Variants in NCOA1 observed in about 807,000 individuals in gnomAD.
NCOA1 encodes the protein Hin-2 protein.
Under a neutral mutation model 150.9 loss-of-function variants are expected in NCOA1, and 35 were observed. The ratio of observed to expected loss-of-function variants is 0.23; its 90% CI spans 0.18 to 0.31. The LOEUF is 0.31. Ranked by LOEUF, NCOA1 falls within the 10% of genes least tolerant of loss-of-function variation. The pLI, the probability that NCOA1 is intolerant of heterozygous loss-of-function variation, is 1.00. For missense variants in NCOA1, 1,491 were observed against 1,749.3 expected, an observed-to-expected ratio of 0.85 and a Z score of 2.63; for synonymous variants, 590 against 630.0, an observed-to-expected ratio of 0.94 and a Z score of 0.95.
intron 1 of NCOA1, among the ~76,000 whole-genome samples, chr2:24,522,563 G>A (rs534133122): frequency 5.9e-5 from 9 of 152,154 alleles, no homozygotes; most frequent in Non-Finnish European, 1.0e-4. Flanking sequence ...TACACCAGAC[G>A]GAGTGCCCAA....
intron 3 of NCOA1, among the ~76,000 whole-genome samples, chr2:24,619,996 C>T (rs915420034): frequency 2.6e-5 from 4 of 152,104 alleles, no homozygotes; most frequent in African/African-American, 9.7e-5. Context: ...CTCTTCCTGA[C>T]CTTCTCTCCC....
At chr2:24,627,356 A>G (rs995486296) in intron 3 of NCOA1, among the ~76,000 whole-genome samples, 1 of 152,200 alleles carries the variant, frequency 6.6e-6, no homozygotes, top group Non-Finnish European at 1.5e-5. Context: ...TATGTAATTT[A>G]GAAATATGAT....
chr2:24,519,653 A>G (rs1365032501), intron 1 of NCOA1, among the ~76,000 whole-genome samples: 1 of 88,024 alleles, frequency 1.1e-5, no homozygotes, highest in Non-Finnish European at 2.6e-5. Context: ...CTGTCTCTAC[A>G]AAAAAAAAAA....
chr2:24,748,616 CA>C (rs60280796), intron 19 of NCOA1, among the ~76,000 whole-genome samples: 67,341 of 103,598 alleles, frequency 0.65, 21,025 homozygotes, highest in East Asian at 0.78. Context: ...AACTCGGTCT[CA>C]AAAAAAAAAA....
At chr2:24,529,252 T>G (rs1222025262) in intron 1 of NCOA1, among the ~76,000 whole-genome samples, 4 of 152,264 alleles carry the variant, frequency 2.6e-5, no homozygotes, top group Non-Finnish European at 5.9e-5. Context: ...AACCTGGGAC[T>G]GAGCACTGAG....
At chr2:24,503,317 T>C (rs1014313277) in intron 1 of NCOA1, among the ~76,000 whole-genome samples, 2 of 152,174 alleles carry the variant, frequency 1.3e-5, no homozygotes, top group African/African-American at 4.8e-5. Context: ...GTAATTGTTC[T>C]CCAGTGTAGA....
intron 5 of NCOA1, among the ~76,000 whole-genome samples, chr2:24,661,208 G>T (rs978391686): frequency 3.3e-5 from 5 of 152,060 alleles, no homozygotes; most frequent in Admixed American, 6.6e-5. Flanking sequence ...TTAACACTTT[G>T]CCAGTCTAAT....
At chr2:24,525,659 G>T (rs1171968242) in intron 1 of NCOA1, among the ~76,000 whole-genome samples, 3 of 151,138 alleles carry the variant, frequency 2.0e-5, no homozygotes, top group African/African-American at 7.3e-5. Flanking sequence ...CAATTCTCCT[G>T]CCTCGGCCTT....
At chr2:24,670,404 G>A (rs996251042) in intron 6 of NCOA1, among the ~76,000 whole-genome samples, 2 of 152,134 alleles carry the variant, frequency 1.3e-5, no homozygotes, top group Admixed American at 1.3e-4. Flanking sequence ...ACAAATAGCT[G>A]AAAAGTAGAA....
At chr2:24,576,170 G>GTTTTTTTTT (rs869093026) in intron 2 of NCOA1, among the ~76,000 whole-genome samples, 4 of 46,318 alleles carry the variant, frequency 8.6e-5, no homozygotes, top group Non-Finnish European at 1.4e-4. Context: ...TTTGTTTTTT[G>GTTTTTTTTT]TTTTTTTTTT....
chr2:24,714,779 G>A (rs1673933576), intron 14 of NCOA1, among the ~76,000 whole-genome samples: 2 of 151,748 alleles, frequency 1.3e-5, no homozygotes, highest in South Asian at 2.1e-4. Flanking sequence ...TGAAATTTTT[G>A]AAAAAACAGC....
chr2:24,503,675 T>C (rs1291327849), intron 1 of NCOA1, among the ~76,000 whole-genome samples: 1 of 152,114 alleles, frequency 6.6e-6, no homozygotes, highest in Non-Finnish European at 1.5e-5. Flanking sequence ...ATATGGAAAC[T>C]TGTCTAGCAC....
At chr2:24,699,230 T>G (rs1178910551) in intron 11 of NCOA1, among the ~76,000 whole-genome samples, 2 of 152,174 alleles carry the variant, frequency 1.3e-5, no homozygotes, top group Non-Finnish European at 2.9e-5. Context: ...CTTTTGATTT[T>G]TGCCTTAAGT....
At chr2:24,721,849 T>C (rs1004435605) in intron 14 of NCOA1, among the ~76,000 whole-genome samples, 7 of 152,260 alleles carry the variant, frequency 4.6e-5, no homozygotes, top group African/African-American at 1.4e-4. Flanking sequence ...TTTAGTTTAG[T>C]TGAAGTTTCA....
intron 4 of NCOA1, among the ~76,000 whole-genome samples, chr2:24,646,949 A>G (rs1313533726): frequency 6.6e-6 from 1 of 152,044 alleles, no homozygotes; most frequent in African/African-American, 2.4e-5. Flanking sequence ...TGAACAGTGC[A>G]TTTTATTTTA....
chr2:24,641,520 A>T (rs1433890308), intron 3 of NCOA1, among the ~76,000 whole-genome samples: 1 of 152,068 alleles, frequency 6.6e-6, no homozygotes, highest in Non-Finnish European at 1.5e-5. Flanking sequence ...AAGTTCCTTT[A>T]GTATTTCTTA....
At chr2:24,733,613 G>A (rs1424364940) in intron 17 of NCOA1, among the ~76,000 whole-genome samples, 1 of 152,078 alleles carries the variant, frequency 6.6e-6, no homozygotes, top group Non-Finnish European at 1.5e-5. Flanking sequence ...GCATGGTGGT[G>A]CATGCCTGTA....
intron 1 of NCOA1, among the ~76,000 whole-genome samples, chr2:24,537,912 T>C (rs1003322422): frequency 2.0e-5 from 3 of 152,208 alleles, no homozygotes; most frequent in Admixed American, 1.3e-4. Context: ...ATTGCAATTC[T>C]GTATCTGCTA....
intron 3 of NCOA1, among the ~76,000 whole-genome samples, chr2:24,630,145 G>A (rs1396082662): frequency 6.6e-6 from 1 of 152,008 alleles, no homozygotes; most frequent in Non-Finnish European, 1.5e-5. Context: ...GCGCCCGGCC[G>A]TAACTTATTA....
Sources: gnomAD v4.1 joint callset for allele counts (sites outside exome capture counted in the v4.1 genomes callset) on GRCh38, gnomAD v4.1.1 for gene constraint, MANE v1.5 for transcripts, NCBI Gene and HGNC (gene_info 2026-07-23, HGNC 2026-07-21) for gene names.